The following CCDC3 variants were observed in gnomAD, a reference collection of about 807,000 sequenced individuals.
CCDC3 encodes the protein coiled-coil domain containing 3.
CCDC3 carries 24 observed loss-of-function variants against 21.4 expected under a neutral mutation model. That is an observed-to-expected ratio of 1.12 (90% CI 0.81 to 1.58). The LOEUF is 1.58. Ranked by LOEUF, CCDC3 falls within the 40% of genes most tolerant of loss-of-function variation. The pLI is 0.00. For synonymous variants in CCDC3, 186 were observed against 166.0 expected (o/e 1.12, Z -0.93); for missense variants, 425 against 360.9 (o/e 1.18, Z -1.44).
At chr10:13,078,466 T>C (rs1210591918) in intron 3 of CCDC3, among the ~76,000 whole-genome samples, 2 of 152,180 alleles carry the variant, frequency 1.3e-5, no homozygotes, top group Non-Finnish European at 2.9e-5. Context: ...TCCTCAAGGA[T>C]CTAGAACTAG....
chr10:13,037,997 A>T (rs904789265), intron 5 of CCDC3, among the ~76,000 whole-genome samples: 5 of 152,312 alleles, frequency 3.3e-5, no homozygotes, highest in African/African-American at 1.2e-4. Context: ...AACAGATTTC[A>T]AAAGAGAAAA....
chr10:12,994,906 C>T lies in CCDC3; in HGVS notation c.549+3432G>A, dbSNP rs574734921. ...GACCAGCCAGGCCAACATGGTGAAA[C>T]CCCCTCTCTACTAAAAATACAAAAA... On this transcript the variant is annotated intron_variant, in intron 2 of 2. Coordinates refer to ENST00000378825, the MANE Select transcript of CCDC3 (RefSeq NM_031455.4). Among the ~76,000 whole-genome samples, 6 of 151,980 alleles carry T rather than the reference C, an allele frequency of 3.9e-5. No individual in the cohort carries two copies. In the South Asian group the frequency reaches 1.0e-3, roughly 26 times the overall value.
intron 2 of CCDC3, among the ~76,000 whole-genome samples, chr10:12,920,216 A>T (rs1349982594): frequency 1.3e-5 from 2 of 152,200 alleles, no homozygotes; most frequent in Non-Finnish European, 2.9e-5. Context: ...CGAGAGAATG[A>T]GAGCCAAGTC....
chr10:13,017,175 C>T (rs1367068209), intron 5 of CCDC3, among the ~76,000 whole-genome samples: 2 of 151,924 alleles, frequency 1.3e-5, no homozygotes, highest in African/African-American at 4.8e-5. Context: ...AAAGTGGAAA[C>T]AGGGAGACGA....
chr10:13,004,135 G>C (rs892250874), upstream of CCDC3, among the ~76,000 whole-genome samples: 2 of 152,252 alleles, frequency 1.3e-5, no homozygotes, highest in South Asian at 2.1e-4. Context: ...TCTTGATTCC[G>C]AGACCTATAT....
At chr10:13,005,068 C>T (rs1046459160), upstream of CCDC3, among the ~76,000 whole-genome samples, 8 of 152,274 alleles carry the variant, frequency 5.3e-5, no homozygotes, top group South Asian at 1.0e-3. Flanking sequence ...CAACTGCCCA[C>T]GAATCAGTGT....
intron 3 of CCDC3, among the ~76,000 whole-genome samples, chr10:13,077,862 A>G (rs1474640459): frequency 1.3e-5 from 2 of 152,206 alleles, no homozygotes; most frequent in African/African-American, 2.4e-5. Context: ...ATAAATTCAA[A>G]ATGGATTAAA....
chr10:12,957,325 T>C (rs74119646), intron 2 of CCDC3, among the ~76,000 whole-genome samples: 1 of 152,222 alleles, frequency 6.6e-6, no homozygotes, highest in Non-Finnish European at 1.5e-5. Context: ...TACCGAAGCC[T>C]CTCTCCTGCA....
intron 2 of CCDC3, among the ~76,000 whole-genome samples, chr10:12,956,894 C>T (rs182916234): frequency 7.8e-4 from 119 of 152,328 alleles, no homozygotes; most frequent in Admixed American, 2.2e-3. Flanking sequence ...AGGCTGCCAA[C>T]AGAATTTACC....
At chr10:12,941,796 G>C (rs1365802508) in intron 2 of CCDC3, among the ~76,000 whole-genome samples, 1 of 152,176 alleles carries the variant, frequency 6.6e-6, no homozygotes, top group Non-Finnish European at 1.5e-5. Context: ...ATTATTTCTA[G>C]CTGGTTATTT....
chr10:13,011,293 G>T (rs1241662536), intron 5 of CCDC3, among the ~76,000 whole-genome samples: 6 of 151,892 alleles, frequency 4.0e-5, no homozygotes, highest in Non-Finnish European at 7.4e-5. Context: ...AAACCTCATA[G>T]TCTCTCCCCA....
intron 5 of CCDC3, among the ~76,000 whole-genome samples, chr10:13,009,063 A>T (rs192286805): frequency 9.5e-4 from 145 of 152,364 alleles, no homozygotes; most frequent in African/African-American, 3.1e-3. Context: ...TAGAATTCAT[A>T]ATCAAGTTTA....
chr10:13,048,612 G>C (rs1032788550), intron 5 of CCDC3, among the ~76,000 whole-genome samples: 2 of 151,992 alleles, frequency 1.3e-5, no homozygotes, highest in African/African-American at 2.4e-5. Flanking sequence ...CATATAATTG[G>C]GAGGTTTCTA....
chr10:13,041,859 G>A (rs1001977340), intron 5 of CCDC3, among the ~76,000 whole-genome samples: 60 of 147,388 alleles, frequency 4.1e-4, no homozygotes, highest in Admixed American at 2.2e-3. Context: ...ACTCCTGACC[G>A]CAAGTGATCC....
intron 3 of CCDC3, among the ~76,000 whole-genome samples, chr10:13,076,693 A>G (rs10752283): frequency 0.75 from 113,584 of 152,130 alleles, 42,727 homozygotes; most frequent in Middle Eastern, 0.83. Context: ...ATGCTCACAG[A>G]CATGTCCCAG....
Position 13,027,729 on chromosome 10 carries a change from A to AC in CCDC3, c.-2+21944_-2+21945insG, listed in dbSNP as rs1354903936. ...CCAATTCAAAAAAAATTAAAAAAAA[A>AC]AAACAAAAAAAAACTACTCAGTACT... On this transcript the variant is annotated intron_variant, in intron 5 of 6. Transcript: ENST00000378839. Among the ~76,000 whole-genome samples, 426 of 150,658 alleles carry AC rather than the reference A, an allele frequency of 2.8e-3. 1 individual carries two copies. The highest frequency in any genetic ancestry group is 4.1e-3 in the Non-Finnish European group (275 of 67,750).
At chr10:13,088,493 A>T (rs977034820) in intron 3 of CCDC3, among the ~76,000 whole-genome samples, 2 of 152,220 alleles carry the variant, frequency 1.3e-5, no homozygotes, top group Non-Finnish European at 2.9e-5. Flanking sequence ...TCCAAGGAGC[A>T]TGAATCATAT....
intron 2 of CCDC3, among the ~76,000 whole-genome samples, chr10:12,908,192 C>T (rs986373849): frequency 2.6e-5 from 4 of 152,174 alleles, no homozygotes; most frequent in Admixed American, 6.5e-5. Flanking sequence ...CCAGGACACT[C>T]GTCTCATTAG....
intron 2 of CCDC3, among the ~76,000 whole-genome samples, chr10:12,909,770 C>T (rs746697572): frequency 1.1e-4 from 16 of 152,204 alleles, no homozygotes; most frequent in Non-Finnish European, 8.8e-5. Flanking sequence ...AGCTGTCCTG[C>T]TCCCTCCCCA....
Sources: allele counts gnomAD v4.1 joint callset (sites outside exome capture counted in the v4.1 genomes callset), GRCh38; gene constraint gnomAD v4.1.1; transcripts MANE v1.5; gene names NCBI Gene and HGNC (gene_info 2026-07-23, HGNC 2026-07-21).